SPRY4: variants seen among roughly 807,000 people sequenced by gnomAD.
The protein encoded by SPRY4 is protein sprouty homolog 4.
In SPRY4, 7 loss-of-function variants were observed where a neutral mutation model predicts 17.0. The ratio of observed to expected loss-of-function variants is 0.41; its 90% CI spans 0.23 to 0.77. The LOEUF (loss-of-function observed/expected upper bound fraction) is 0.77. Ranked by LOEUF, SPRY4 falls within the 30% of genes least tolerant of loss-of-function variation. The pLI, the probability that SPRY4 is intolerant of heterozygous loss-of-function variation, is 0.32. For missense variants in SPRY4, 435 were observed against 419.9 expected (o/e 1.04, Z -0.31); for synonymous variants, 183 against 174.1 (o/e 1.05, Z -0.40).
In SPRY4 at chr5:142,313,443, G is replaced by A. The variant is rs1219243269; in HGVS notation, c.*766C>T. The stretch of plus-strand genomic sequence containing the variant: ...GGACACGTAGTGGGCAGGCGAGTCT[G>A]TGACTCAGTAAGAACCGAAGGACGG... On this transcript the variant is annotated 3_prime_UTR_variant, in exon 2 of 2. Transcript: ENST00000434127. The A allele has an allele frequency of 6.6e-6, 1 of 152,566 alleles. No homozygotes were observed. Among genetic ancestry groups the A allele is most frequent in the Non-Finnish European group, 1.5e-5 (1 of 68,058 alleles). The allele number at this position is 152,566 out of a possible 1,614,324, so 9.5% of individuals were successfully genotyped here.
chr5:142,314,163 G>T lies in SPRY4; in HGVS notation c.*46C>A, dbSNP rs144313996. ...GCTGCAGTCTTCTTAGATGTCAGAA[G>T]AGAACCAGGTTTCCAGGCAGAGCAC... On this transcript the variant is annotated 3_prime_UTR_variant, in exon 2 of 2. Transcript: ENST00000434127. The surrounding 1 kb of genome is among the most constrained non-coding windows in gnomAD (Gnocchi z 4.8). The T allele has an allele frequency of 1.3e-5, 20 of 1,555,888 alleles. No homozygotes were observed. The African/African-American group carries it at 2.3e-4, about 18-fold the overall frequency.
At chr5:142,323,549 A>G (rs1301705302) in intron 1 of SPRY4, among the ~76,000 whole-genome samples, 1 of 152,170 alleles carries the variant, frequency 6.6e-6, no homozygotes, top group African/African-American at 2.4e-5. Flanking sequence ...TGAAAGAGGC[A>G]GCCAGCAGCT....
In SPRY4 at chr5:142,314,048, G is replaced by A. The variant is rs937089378; in HGVS notation, c.*161C>T. ...CATCACCTTGGGGAATACAGGGTAC[G>A]TGGTGGTGGTCTCTGTATTTTCCGA... On this transcript the variant is annotated 3_prime_UTR_variant, in exon 2 of 2. Coordinates refer to ENST00000434127, the MANE Select transcript of SPRY4 (RefSeq NM_001127496.3). This position sits in a 1 kb window ranked among gnomAD's most constrained non-coding sequence, Gnocchi z 4.8. 6.9e-5 allele frequency: 49 copies of A among 709,372 alleles called. No homozygotes were observed. Among genetic ancestry groups the A allele is most frequent in the Admixed American group, 2.3e-4 (8 of 34,052 alleles). The allele number at this position is 709,372 out of a possible 1,614,324, so 43.9% of individuals were successfully genotyped here. A position where few individuals can be genotyped will look rare whatever the true frequency, so the allele number is the denominator to read the frequency against.
intron 1 of SPRY4, among the ~76,000 whole-genome samples, chr5:142,318,499 A>AG (rs892620016): frequency 6.6e-6 from 1 of 151,944 alleles, no homozygotes; most frequent in Non-Finnish European, 1.5e-5. Flanking sequence ...AAAAAAAAAA[A>AG]GAAAGAAAGA....
intron 1 of SPRY4, among the ~76,000 whole-genome samples, chr5:142,323,364 C>T (rs1236466975): frequency 1.3e-5 from 2 of 152,168 alleles, no homozygotes; most frequent in Admixed American, 6.5e-5. Flanking sequence ...GAGAGAATCA[C>T]GCCACTGATT....
rs375436542 is a variant in SPRY4, at chr5:142,314,368, G to A, written c.741C>T (p.Cys247=). Residue 247 remains cysteine (C), a synonymous_variant, in exon 2 of 2, where the codon TGC becomes TGT. Transcript: ENST00000434127. The surrounding 1 kb of genome is among the most constrained non-coding windows in gnomAD (Gnocchi z 4.8). ...CGGTGGCAGGCAGGTAGCAGAGCAG[G>A]CAGGGCAGCACCACGGAGAGAGCAC... ...FMGALSVVLP[C]LLCYLPATGC... 2 of 1,614,048 alleles carry A rather than the reference G, an allele frequency of 1.2e-6. No homozygotes were observed. The highest frequency in any genetic ancestry group is 1.7e-6 in the Non-Finnish European group (2 of 1,179,968).
At chr5:142,322,483 A>AAAAATATATAT (rs79291595) in intron 1 of SPRY4, among the ~76,000 whole-genome samples, 3 of 117,528 alleles carry the variant, frequency 2.6e-5, no homozygotes, top group African/African-American at 8.1e-5. Flanking sequence ...AAAAAAAAAA[A>AAAAATATATAT]ATATATATAT....
chr5:142,319,641 C>G, intron 1 of SPRY4: 1 of 1,468,642 alleles, frequency 6.8e-7, no homozygotes, highest in Non-Finnish European at 9.2e-7. Context: ...AATACTGAAT[C>G]AGCAGGATAT....
In SPRY4 at chr5:142,314,837, G is replaced by T; in HGVS notation, c.272C>A (p.Ser91Tyr). 6.3e-7 allele frequency: 1 copy of T among 1,587,720 alleles called. No homozygotes were observed. Among genetic ancestry groups the T allele is most frequent in the Non-Finnish European group, 8.6e-7 (1 of 1,163,794 alleles). The change falls in exon 2 of 2, where the codon TCC (serine) becomes TAC (tyrosine). Residue 91 changes from serine to tyrosine, a missense_variant. Physicochemically the swap from Ser to Tyr is moderately radical, Grantham distance 144. Coordinates refer to ENST00000434127, the MANE Select transcript of SPRY4 (RefSeq NM_001127496.3). This position sits in a 1 kb window ranked among gnomAD's most constrained non-coding sequence, Gnocchi z 4.8. ...CACAGAGCTGGGGCGCCCGCTGAAG[G>T]AGATCCAATGGTGGGTGACATCCTG... ...CDQDVTHHWI[S>Y]FSGRPSSVSS...
intron 1 of SPRY4, among the ~76,000 whole-genome samples, chr5:142,318,876 C>T (rs376144504): frequency 2.0e-5 from 3 of 152,276 alleles, no homozygotes; most frequent in South Asian, 2.1e-4. Context: ...ATTATGGAAG[C>T]GGCTAATATT....
In SPRY4 at chr5:142,313,826, G is replaced by C. The variant is rs1193616803; in HGVS notation, c.*383C>G. ...GCCAAAGACAATGGAAAAGAGGAAGGGGGGGGGGGCGGAGGGAGGGAGGGA... is the reference window on the plus strand; with the variant it reads ...GCCAAAGACAATGGAAAAGAGGAAGCGGGGGGGGGCGGAGGGAGGGAGGGA... On this transcript the variant is annotated 3_prime_UTR_variant, in exon 2 of 2. Coordinates refer to ENST00000434127, the MANE Select transcript of SPRY4 (RefSeq NM_001127496.3). 4.1e-4 allele frequency: 2 copies of C among 4,870 alleles called. No individual in the cohort carries two copies. Among genetic ancestry groups the C allele is most frequent in the African/African-American group, 5.5e-4 (1 of 1,806 alleles). The allele number at this position is 4,870 out of a possible 1,614,324, so 0.3% of individuals were successfully genotyped here.
chr5:142,315,249 C>G, intron 1 of SPRY4, 94 bp from the exon 2 acceptor site: 1 of 777,672 alleles, frequency 1.3e-6, no homozygotes, highest in Non-Finnish European at 2.0e-6. Context: ...TCCTTGGGAG[C>G]CGCCCAATTG....
chr5:142,312,883 G>C lies in SPRY4; in HGVS notation c.*1326C>G, dbSNP rs976418196. 2.6e-5 allele frequency: 4 copies of C among 152,500 alleles called. No individual in the cohort carries two copies. The highest frequency in any genetic ancestry group is 9.7e-5 in the African/African-American group (4 of 41,376). The allele number at this position is 152,500 out of a possible 1,614,324, so 9.4% of individuals were successfully genotyped here. A position where few individuals can be genotyped will look rare whatever the true frequency, so the allele number is the denominator to read the frequency against. ...CAGGGCTCAAACCCAGTGGCCCCTG[G>C]AAAAACCTTTCCCCTACCCTCTCCC... On this transcript the variant is annotated 3_prime_UTR_variant, in exon 2 of 2. Transcript: ENST00000434127.
chr5:142,322,496 A>ATATG (rs1759380677), intron 1 of SPRY4, among the ~76,000 whole-genome samples: 1 of 139,820 alleles, frequency 7.2e-6, no homozygotes, highest in Non-Finnish European at 1.6e-5. Context: ...ATATATATAT[A>ATATG]TATATAAATG....
At chr5:142,316,901 T>G (rs1312588915) in intron 1 of SPRY4, among the ~76,000 whole-genome samples, 1 of 152,252 alleles carries the variant, frequency 6.6e-6, no homozygotes, top group African/African-American at 2.4e-5. Flanking sequence ...TTTGCTCCCA[T>G]GGCCCTGCCT....
intron 1 of SPRY4, among the ~76,000 whole-genome samples, chr5:142,319,266 C>T (rs562778478): frequency 6.6e-6 from 1 of 152,280 alleles, no homozygotes; most frequent in South Asian, 2.1e-4. Context: ...CCAGATGGGG[C>T]TTACATCAGC....
chr5:142,323,398 C>A (rs554347943), intron 1 of SPRY4, among the ~76,000 whole-genome samples: 22 of 152,198 alleles, frequency 1.4e-4, no homozygotes, highest in Non-Finnish European at 2.5e-4. Flanking sequence ...GAAGGGGATG[C>A]CACTAGGTTT....
chr5:142,314,542 T>C lies in SPRY4; in HGVS notation c.567A>G (p.Ser189=). 1 of 1,614,242 alleles carries C rather than the reference T, an allele frequency of 6.2e-7. No homozygotes were observed. Among genetic ancestry groups the C allele is most frequent in the Non-Finnish European group, 8.5e-7 (1 of 1,180,042 alleles). ...CWVCNQECLC[S]AQTLVNYGTC... is the part of the protein sequence containing the mutation. ...TGCCATAGTTGACCAGAGTCTGGGC[T>C]GAGCACAGGCACTCCTGGTTGCAGA... Residue 189 remains serine, a synonymous_variant, in exon 2 of 2, where the codon TCA becomes TCG. Transcript: ENST00000434127. This position sits in a 1 kb window ranked among gnomAD's most constrained non-coding sequence, Gnocchi z 4.8.
chr5:142,314,044 G>A lies in SPRY4; in HGVS notation c.*165C>T. On this transcript the variant is annotated 3_prime_UTR_variant, in exon 2 of 2. Coordinates refer to ENST00000434127, the MANE Select transcript of SPRY4 (RefSeq NM_001127496.3). This position sits in a 1 kb window ranked among gnomAD's most constrained non-coding sequence, Gnocchi z 4.8. ...TCTTCATCACCTTGGGGAATACAGG[G>A]TACGTGGTGGTGGTCTCTGTATTTT... The A allele has an allele frequency of 1.4e-6, 1 of 699,728 alleles. No homozygotes were observed. The highest frequency in any genetic ancestry group is 3.7e-4 in the Middle Eastern group (1 of 2,702). 43.3% of individuals were successfully genotyped at this position (699,728 alleles called of 1,614,324 possible).
Sources: allele counts gnomAD v4.1 joint callset (sites outside exome capture counted in the v4.1 genomes callset), GRCh38; gene constraint gnomAD v4.1.1; non-coding constraint Gnocchi (gnomAD v3.1); transcripts MANE v1.5; gene names NCBI Gene and HGNC (gene_info 2026-07-23, HGNC 2026-07-21).